Variants in NDUFB6 observed in about 807,000 individuals in gnomAD.
NDUFB6 encodes NADH:ubiquinone oxidoreductase subunit B6, also known as NADH dehydrogenase [ubiquinone] 1 beta subcomplex subunit 6.
NDUFB6 carries 23 observed loss-of-function variants against 17.5 expected under a neutral mutation model. That is an observed-to-expected ratio of 1.31 (90% CI 0.94 to 1.86). The LOEUF (loss-of-function observed/expected upper bound fraction) is 1.86. Among genes scored for constraint, NDUFB6 ranks in the 40% most tolerant of loss-of-function variants. The probability of loss-of-function intolerance (pLI) is 0.00; values close to 1 mark genes in which losing one functional copy is unlikely to be tolerated. For synonymous variants in NDUFB6, 60 were observed against 53.5 expected, an observed-to-expected ratio of 1.12 and a Z score of -0.53; for missense variants, 167 against 153.8, an observed-to-expected ratio of 1.09 and a Z score of -0.46.
Position 32,567,448 on chromosome 9 carries a change from C to T in NDUFB6, c.273+3512G>A, listed in dbSNP as rs1395905376. 1.1e-5 allele frequency: 5 copies of T among 451,564 alleles called. No individual in the cohort carries two copies. The East Asian group carries it at 2.1e-4, about 19-fold the overall frequency. 28.0% of individuals were successfully genotyped at this position (451,564 alleles called of 1,614,324 possible). ...GGTTCAAGGGATTCTCCTGCCTCAG[C>T]CTCCCCAGTAGCTGGGACTACAGAC... On this transcript the variant is annotated intron_variant, in intron 2 of 3. Coordinates refer to ENST00000379847, the MANE Select transcript of NDUFB6 (RefSeq NM_002493.5).
intron 1 of NDUFB6, 135 bp from the exon 2 acceptor site, chr9:32,571,187 T>A (rs1821932560): frequency 3.2e-6 from 2 of 629,628 alleles, no homozygotes; most frequent in Admixed American, 7.0e-5. Flanking sequence ...TCTTATAGTC[T>A]GTAGGTAACC....
chr9:32,570,891 G>C, intron 2 of NDUFB6, 69 bp downstream of exon 2: 1 of 1,032,556 alleles, frequency 9.7e-7, no homozygotes, highest in Non-Finnish European at 1.4e-6. Flanking sequence ...CACTAAGTAG[G>C]GTAAGATAGC....
intron 2 of NDUFB6, 59 bp from the exon 3 acceptor site, chr9:32,559,013 G>C (rs1403470054): frequency 8.0e-7 from 1 of 1,249,824 alleles, no homozygotes; most frequent in Non-Finnish European, 1.1e-6. Context: ...CTGAAAATAA[G>C]AAATAGGTCA....
intron 3 of NDUFB6, 149 bp downstream of exon 3, chr9:32,558,761 G>A: frequency 2.1e-6 from 1 of 470,426 alleles, no homozygotes; most frequent in Non-Finnish European, 3.7e-6. Context: ...TTTTTGTTTT[G>A]TTTTGTTTTT....
chr9:32,573,024 G>A lies in NDUFB6; in HGVS notation c.37C>T (p.Gln13Ter). The A allele has an allele frequency of 6.2e-7, 1 of 1,600,646 alleles. No homozygotes were observed. ...GYTPDEKLRL[Q>*]QLRELRRRWL... is the part of the protein sequence containing the mutation. ...CGCCTTCTCAGCTCTCGCAGCTGCT[G>A]CAGCCGCAGTTTCTCATCCGGAGTG... is the stretch of plus-strand genomic sequence containing the variant. The change falls in exon 1 of 4, where the codon CAG becomes TAG. Residue 13 changes from glutamine to a stop codon, truncating the protein, a stop_gained. Transcript: ENST00000379847. LOFTEE classifies it high-confidence loss of function.
intron 2 of NDUFB6, among the ~76,000 whole-genome samples, chr9:32,564,405 G>C (rs1821717362): frequency 6.6e-6 from 1 of 151,576 alleles, no homozygotes. Flanking sequence ...GAAGGTTTTA[G>C]CAACCCCGAG....
chr9:32,558,965 A>G lies in NDUFB6; in HGVS notation c.274-11T>C. The G allele has an allele frequency of 6.4e-7, 1 of 1,568,606 alleles. No homozygotes were observed. The highest frequency in any genetic ancestry group is 2.2e-5 in the East Asian group (1 of 44,506). ...GCCATATGGTTTTTCCTGTAATAAAAGTTAACTCTGTGTTAATTATGGTGT... is the reference window on the plus strand; with the variant it reads ...GCCATATGGTTTTTCCTGTAATAAAGGTTAACTCTGTGTTAATTATGGTGT... On this transcript the variant is annotated splice_polypyrimidine_tract_variant and intron_variant, in intron 2 of 3. Coordinates refer to ENST00000379847, the MANE Select transcript of NDUFB6 (RefSeq NM_002493.5).
intron 2 of NDUFB6, among the ~76,000 whole-genome samples, chr9:32,559,943 T>C (rs1587640895): frequency 6.6e-6 from 1 of 152,314 alleles, no homozygotes; most frequent in African/African-American, 2.4e-5. Flanking sequence ...GTACTTTTTA[T>C]GCATATACAT....
chr9:32,571,060 G>GA lies in NDUFB6; in HGVS notation c.181-9dup. The GA allele has an allele frequency of 1.3e-6, 2 of 1,557,158 alleles. No individual in the cohort carries two copies. The highest frequency in any genetic ancestry group is 8.8e-7 in the Non-Finnish European group (1 of 1,138,238). ...TTTGTATACCCCATGGACCTGGGGG[G>GA]AAAAACACATACACAAAATAAACAT... On this transcript the variant is annotated splice_polypyrimidine_tract_variant and intron_variant, in intron 1 of 3. Coordinates refer to ENST00000379847, the MANE Select transcript of NDUFB6 (RefSeq NM_002493.5).
At chr9:32,566,599 G>A (rs1821797884) in intron 2 of NDUFB6, 9 of 785,260 alleles carry the variant, frequency 1.1e-5, no homozygotes, top group Admixed American at 6.8e-5. Flanking sequence ...CGGAGGACCC[G>A]CAGGAATTCC....
intron 2 of NDUFB6, among the ~76,000 whole-genome samples, chr9:32,565,986 A>G (rs1475542878): frequency 1.3e-5 from 2 of 152,132 alleles, no homozygotes; most frequent in Non-Finnish European, 2.9e-5. Flanking sequence ...AAAACAAACA[A>G]ACAAACAATG....
intron 2 of NDUFB6, chr9:32,568,748 A>ATATATATTTTTTTTTTTTTT (rs1213123923): frequency 1.7e-5 from 2 of 114,364 alleles, no homozygotes; most frequent in African/African-American, 7.9e-5. Flanking sequence ...ATATATATAT[A>ATATATATTTTTTTTTTTTTT]TTTTTTTTTT....
chr9:32,565,030 C>G (rs961556444), intron 2 of NDUFB6, among the ~76,000 whole-genome samples: 6 of 152,160 alleles, frequency 3.9e-5, no homozygotes, highest in Non-Finnish European at 5.9e-5. Context: ...CGGTGGCTCA[C>G]GCTTGTAATC....
rs769541037 is a variant in NDUFB6, at chr9:32,573,110, G to C, written c.-50C>G. The C allele has an allele frequency of 6.1e-6, 9 of 1,470,992 alleles. No individual in the cohort carries two copies. The highest frequency in any genetic ancestry group is 4.1e-5 in the South Asian group (3 of 73,650). The allele number at this position is 1,470,992 out of a possible 1,614,324, so 91.1% of individuals were successfully genotyped here. On this transcript the variant is annotated 5_prime_UTR_variant, in exon 1 of 4. Coordinates refer to ENST00000379847, the MANE Select transcript of NDUFB6 (RefSeq NM_002493.5). ...GGACACGGCGCACCCTCGAACTACG[G>C]ACTAGTTACTTAAGCGCGCTCCCGC...
At position 32,553,839 on chromosome 9, in the gene NDUFB6, C is replaced by G; in HGVS notation, c.*37G>C. On this transcript the variant is annotated 3_prime_UTR_variant, in exon 4 of 4. Transcript: ENST00000379847. ...GTAAATATGGTAATATAGGAACAAACTTAGGCTCATAAGCCTTTTAACTTT... is the reference window on the plus strand; with the variant it reads ...GTAAATATGGTAATATAGGAACAAAGTTAGGCTCATAAGCCTTTTAACTTT... 1 of 1,356,834 alleles carries G rather than the reference C, an allele frequency of 7.4e-7. No individual in the cohort carries two copies. Among genetic ancestry groups the G allele is most frequent in the Non-Finnish European group, 1.0e-6 (1 of 954,320 alleles). The allele number at this position is 1,356,834 out of a possible 1,614,324, so 84.0% of individuals were successfully genotyped here. A position where few individuals can be genotyped will look rare whatever the true frequency, so the allele number is the denominator to read the frequency against.
At chr9:32,559,586 T>C (rs1821570165) in intron 2 of NDUFB6, among the ~76,000 whole-genome samples, 1 of 152,198 alleles carries the variant, frequency 6.6e-6, no homozygotes, top group Admixed American at 6.5e-5. Flanking sequence ...CCTCAAGGCC[T>C]CTGTACTTCA....
At chr9:32,557,234 C>T (rs1194493749) in intron 3 of NDUFB6, among the ~76,000 whole-genome samples, 1 of 146,728 alleles carries the variant, frequency 6.8e-6, no homozygotes, top group Non-Finnish European at 1.5e-5. Context: ...GCGCAAACTC[C>T]GCACACTGCA....
chr9:32,567,678 G>C (rs1419615789), intron 2 of NDUFB6: 9 of 342,148 alleles, frequency 2.6e-5, no homozygotes, highest in Non-Finnish European at 5.5e-5. Context: ...TCTGCACTCA[G>C]TGATTTTTGA....
intron 2 of NDUFB6, among the ~76,000 whole-genome samples, chr9:32,560,790 A>T (rs1821603425): frequency 6.6e-6 from 1 of 152,252 alleles, no homozygotes; most frequent in Non-Finnish European, 1.5e-5. Flanking sequence ...GATAGTAAAA[A>T]CAAAGGAGAT....
Sources: gnomAD v4.1 joint callset for allele counts (sites outside exome capture counted in the v4.1 genomes callset) on GRCh38, gnomAD v4.1.1 for gene constraint, MANE v1.5 for transcripts, NCBI Gene and HGNC (gene_info 2026-07-23, HGNC 2026-07-21) for gene names.